Variants in COA8 observed in about 807,000 individuals in gnomAD.
COA8 encodes UPF0671 protein C14orf153.
A neutral mutation model predicts 22.0 loss-of-function variants in COA8; 20 were observed. The ratio of observed to expected loss-of-function variants is 0.91; its 90% CI spans 0.64 to 1.32. COA8 has a LOEUF of 1.32. Among genes scored for constraint, COA8 ranks in the 40% most tolerant of loss-of-function variants. The pLI is 0.00. For synonymous variants in COA8, 105 were observed against 79.9 expected, an observed-to-expected ratio of 1.31 and a Z score of -1.68; for missense variants, 266 against 230.0, an observed-to-expected ratio of 1.16 and a Z score of -1.01.
intron 1 of COA8, among the ~76,000 whole-genome samples, chr14:103,569,164 G>C (rs555989754): frequency 6.6e-6 from 1 of 152,270 alleles, no homozygotes; most frequent in East Asian, 1.9e-4. Flanking sequence ...TCATAGGCTT[G>C]TACTGTGGAA....
intron 3 of COA8, among the ~76,000 whole-genome samples, chr14:103,576,100 GTTCGAGAC>G (rs2076228290): frequency 6.6e-6 from 1 of 152,152 alleles, no homozygotes; most frequent in African/African-American, 2.4e-5. Context: ...AAGGTCAGGA[GTTCGAGAC>G]CAGCCTGATC....
chr14:103,571,984 C>T (rs574193043), intron 2 of COA8, among the ~76,000 whole-genome samples, 164 bp downstream of exon 2: 4 of 151,888 alleles, frequency 2.6e-5, no homozygotes, highest in East Asian at 3.9e-4. Context: ...AAAATTAGCC[C>T]GGCGTGGTGG....
chr14:103,579,358 T>G (rs868704546), intron 3 of COA8: 7 of 230,708 alleles, frequency 3.0e-5, no homozygotes, highest in South Asian at 2.0e-4. Context: ...AAAATACAAT[T>G]TTTTCTTTTT....
Position 103,590,480 on chromosome 14 carries a change from C to CA in COA8, c.*194_*195insA. 1 of 551,642 alleles carries CA rather than the reference C, an allele frequency of 1.8e-6. No individual in the cohort carries two copies. The highest frequency in any genetic ancestry group is 3.2e-6 in the Non-Finnish European group (1 of 311,538). 34.2% of individuals were successfully genotyped at this position (551,642 alleles called of 1,614,324 possible). A position where few individuals can be genotyped will look rare whatever the true frequency, so the allele number is the denominator to read the frequency against. On this transcript the variant is annotated 3_prime_UTR_variant, in exon 5 of 5. Coordinates refer to ENST00000409074, the MANE Select transcript of COA8 (RefSeq NM_001370595.2). Reference sequence around the variant, plus strand: ...CCTGCCTGCTGATGTGGGCTCTAGGCCAGCTTGTTGTCACGTACGTGGTGT... The same window carrying CA: ...CCTGCCTGCTGATGTGGGCTCTAGGCACAGCTTGTTGTCACGTACGTGGTGT...
rs535361178 is a variant in COA8 at position 103,564,761 on chromosome 14, T to C, written c.123+1637T>C. 3.3e-5 allele frequency among the ~76,000 whole-genome samples: 5 copies of C among 152,012 alleles called. No homozygotes were observed. The South Asian group carries it at 1.0e-3, about 32-fold the overall frequency. ...TGCCCGGCTAATTTTTTTGTATTTT[T>C]AGTAGAGACAGGGTTTCACCTGTTG... is the stretch of plus-strand genomic sequence containing the variant. On this transcript the variant is annotated intron_variant, in intron 1 of 4. Transcript: ENST00000409074.
chr14:103,574,544 T>G, intron 3 of COA8: 1 of 437,120 alleles, frequency 2.3e-6, no homozygotes, highest in Non-Finnish European at 4.5e-6. Flanking sequence ...GTGTCAGTGT[T>G]AGGCCTGAAT....
At chr14:103,568,255 TC>T (rs1378547548) in intron 1 of COA8, among the ~76,000 whole-genome samples, 1 of 152,146 alleles carries the variant, frequency 6.6e-6, no homozygotes, top group Non-Finnish European at 1.5e-5. Context: ...CCCTTCCGAA[TC>T]TTGGCTTCTG....
intron 1 of COA8, among the ~76,000 whole-genome samples, chr14:103,568,433 A>G (rs187653996): frequency 6.6e-5 from 10 of 151,170 alleles, no homozygotes; most frequent in South Asian, 4.2e-4. Flanking sequence ...GGAGATATGT[A>G]TATATATATA....
rs1034866104 is a variant in COA8 at position 103,581,847 on chromosome 14, C to T, written c.386-5427C>T. Among the ~76,000 whole-genome samples, 1 of 152,142 alleles carries T rather than the reference C, an allele frequency of 6.6e-6. No homozygotes were observed. Among genetic ancestry groups the T allele is most frequent in the Non-Finnish European group, 1.5e-5 (1 of 68,016 alleles). On this transcript the variant is annotated intron_variant, in intron 3 of 4. Coordinates refer to ENST00000409074, the MANE Select transcript of COA8 (RefSeq NM_001370595.2). This position sits in a 1 kb window ranked among gnomAD's most constrained non-coding sequence, Gnocchi z 4.1. The stretch of plus-strand genomic sequence containing the variant: ...GTCTGCCGTGTGGCTAGGGGACAGC[C>T]GTGCTTGTGCTGTGCCGTCTGAGTG...
At chr14:103,571,178 T>G (rs2076181406) in intron 1 of COA8, among the ~76,000 whole-genome samples, 1 of 152,010 alleles carries the variant, frequency 6.6e-6, no homozygotes, top group Admixed American at 6.6e-5. Context: ...CCATCCTGGC[T>G]AACAGGGTGA....
At chr14:103,587,632 C>A (rs1240228650) in intron 4 of COA8, among the ~76,000 whole-genome samples, 5 of 151,238 alleles carry the variant, frequency 3.3e-5, no homozygotes, top group Non-Finnish European at 7.4e-5. Context: ...CTCAGCCTCC[C>A]GAGTAGCTGG....
At chr14:103,580,295 TACA>T (rs1435719937) in intron 3 of COA8, among the ~76,000 whole-genome samples, 2 of 151,890 alleles carry the variant, frequency 1.3e-5, no homozygotes, top group Non-Finnish European at 2.9e-5. Context: ...CTAGGTTTAT[TACA>T]ACATTATATT....
At chr14:103,570,657 CG>C (rs1192682333) in intron 1 of COA8, among the ~76,000 whole-genome samples, 1 of 152,014 alleles carries the variant, frequency 6.6e-6, no homozygotes, top group Non-Finnish European at 1.5e-5. Context: ...CGCTTGAACC[CG>C]GGAGGCGGAG....
chr14:103,577,315 ATCT>A (rs2076236693), intron 3 of COA8, among the ~76,000 whole-genome samples: 1 of 151,948 alleles, frequency 6.6e-6, no homozygotes, highest in African/African-American at 2.4e-5. Context: ...ACCTCAAGTG[ATCT>A]TCTCATCTCA....
chr14:103,578,777 C>T (rs1326895098), intron 3 of COA8, among the ~76,000 whole-genome samples: 5 of 152,236 alleles, frequency 3.3e-5, no homozygotes, highest in South Asian at 2.1e-4. Flanking sequence ...TCCTGAGGGA[C>T]GCCCATGTCA....
Position 103,581,043 on chromosome 14 carries a change from G to A in COA8, c.386-6231G>A, listed in dbSNP as rs527538532. ...TGGAACTCCCAACCTCAGGTGATCC[G>A]CCCGTCTTGGCCTCCCAAAGTCCTG... On this transcript the variant is annotated intron_variant, in intron 3 of 4. Coordinates refer to ENST00000409074, the MANE Select transcript of COA8 (RefSeq NM_001370595.2). This position sits in a 1 kb window ranked among gnomAD's most constrained non-coding sequence, Gnocchi z 4.1. 1.3e-5 allele frequency among the ~76,000 whole-genome samples: 2 copies of A among 150,152 alleles called. No homozygotes were observed. The highest frequency in any genetic ancestry group is 2.1e-4 in the South Asian group (1 of 4,716).
At chr14:103,578,123 G>C (rs1202697684) in intron 3 of COA8, among the ~76,000 whole-genome samples, 1 of 152,010 alleles carries the variant, frequency 6.6e-6, no homozygotes, top group Non-Finnish European at 1.5e-5. Flanking sequence ...GAGCCCAGGG[G>C]GTGGAGGCTG....
chr14:103,571,890 T>G lies in COA8; in HGVS notation c.321+70T>G, dbSNP rs999932351. ...CGCCTGTAATCCCAGCACTTCGGGA[T>G]GCCGAGGTGGGCAGATCACGAGGTC... is the stretch of plus-strand genomic sequence containing the variant. On this transcript the variant is annotated intron_variant, in intron 2 of 4. Coordinates refer to ENST00000409074, the MANE Select transcript of COA8 (RefSeq NM_001370595.2). 36 of 1,359,208 alleles carry G rather than the reference T, an allele frequency of 2.6e-5. No individual in the cohort carries two copies. In the African/African-American group the frequency reaches 4.8e-4, roughly 18 times the overall value. The allele number at this position is 1,359,208 out of a possible 1,614,324, so 84.2% of individuals were successfully genotyped here. A position where few individuals can be genotyped will look rare whatever the true frequency, so the allele number is the denominator to read the frequency against.
chr14:103,578,067 G>A (rs1275991178), intron 3 of COA8, among the ~76,000 whole-genome samples: 1 of 146,466 alleles, frequency 6.8e-6, no homozygotes, highest in Non-Finnish European at 1.5e-5. Flanking sequence ...GGCAGTATGT[G>A]TCTGTAGTCC....
Sources: gnomAD v4.1 joint callset for allele counts (sites outside exome capture counted in the v4.1 genomes callset) on GRCh38, gnomAD v4.1.1 for gene constraint, Gnocchi (gnomAD v3.1) non-coding constraint, MANE v1.5 for transcripts, NCBI Gene and HGNC (gene_info 2026-07-23, HGNC 2026-07-21) for gene names.